Variants in PRKN observed in about 807,000 individuals in gnomAD.
PRKN encodes E3 ubiquitin-protein ligase parkin.
PRKN carries 56 observed loss-of-function variants against 59.5 expected under a neutral mutation model. The ratio of observed to expected loss-of-function variants is 0.94; its 90% confidence interval spans 0.76 to 1.18. PRKN has a LOEUF of 1.18. Ranked by LOEUF, PRKN falls within the 50% of genes most tolerant of loss-of-function variation. PRKN has a pLI of 0.00. For synonymous variants in PRKN, 250 were observed against 222.1 expected, an observed-to-expected ratio of 1.13 and a Z score of -1.12; for missense variants, 657 against 596.4, an observed-to-expected ratio of 1.10 and a Z score of -1.06.
At chr6:162,186,754 G>A (rs1784050302) in intron 4 of PRKN, among the ~76,000 whole-genome samples, 1 of 152,158 alleles carries the variant, frequency 6.6e-6, no homozygotes, top group Non-Finnish European at 1.5e-5. Flanking sequence ...GTTTAAAAGT[G>A]CGTAGCACCT....
intron 2 of PRKN, among the ~76,000 whole-genome samples, chr6:162,404,365 G>A (rs1344409439): frequency 7.5e-6 from 1 of 133,606 alleles, no homozygotes; most frequent in African/African-American, 3.0e-5. Flanking sequence ...GTGAGACTCT[G>A]TCAGAAAAAA....
intron 2 of PRKN, among the ~76,000 whole-genome samples, chr6:162,332,045 T>C (rs1335975905): frequency 3.9e-5 from 6 of 152,166 alleles, no homozygotes; most frequent in African/African-American, 1.4e-4. Context: ...CTACTCTTCC[T>C]TCCCAAGAAC....
chr6:161,374,701 G>A (rs558366541), intron 10 of PRKN, among the ~76,000 whole-genome samples: 5 of 1,838 alleles, frequency 2.7e-3, no homozygotes, highest in South Asian at 0.038. Context: ...TGATGTGTGC[G>A]TTATGTTTAT....
chr6:161,680,726 C>CATATATATATATATACAT (rs1785285967), intron 7 of PRKN, among the ~76,000 whole-genome samples: 2 of 51,038 alleles, frequency 3.9e-5, no homozygotes, highest in Non-Finnish European at 6.2e-5. Context: ...TCCTGAAATA[C>CATATATATATATATACAT]ATATATATAT....
intron 2 of PRKN, among the ~76,000 whole-genome samples, chr6:162,393,472 T>C (rs2128145879): frequency 6.6e-6 from 1 of 152,124 alleles, no homozygotes; most frequent in Non-Finnish European, 1.5e-5. Context: ...GGCTAGGAGA[T>C]TCATAGAGGA....
At chr6:162,549,194 CAACCCAGAAGACGGCCCTCCTTCA>C (rs1779237111) in intron 1 of PRKN, among the ~76,000 whole-genome samples, 1 of 152,232 alleles carries the variant, frequency 6.6e-6, no homozygotes, top group Middle Eastern at 3.4e-3. Flanking sequence ...CGGCCATCTT[CAACCCAGAAGACGGCCCTCCTTCA>C]AACCCAGAAC....
At chr6:161,928,382 A>C (rs1055524645) in intron 6 of PRKN, among the ~76,000 whole-genome samples, 2 of 152,228 alleles carry the variant, frequency 1.3e-5, no homozygotes, top group Non-Finnish European at 2.9e-5. Flanking sequence ...GCTTTGAAAG[A>C]CAAATCATAC....
intron 6 of PRKN, among the ~76,000 whole-genome samples, chr6:161,824,298 A>G (rs1792151597): frequency 1.3e-5 from 2 of 152,234 alleles, no homozygotes; most frequent in South Asian, 4.1e-4. Context: ...GTGCCAAGTC[A>G]TAAGTGCAAG....
intron 4 of PRKN, among the ~76,000 whole-genome samples, chr6:162,113,840 G>A (rs1249845362): frequency 6.6e-6 from 1 of 152,018 alleles, no homozygotes; most frequent in Non-Finnish European, 1.5e-5. Flanking sequence ...GGGTTTTTAT[G>A]GTTTTAGGTC....
chr6:162,165,584 T>A (rs1047559026), intron 4 of PRKN, among the ~76,000 whole-genome samples: 1 of 149,620 alleles, frequency 6.7e-6, no homozygotes, highest in Non-Finnish European at 1.5e-5. Flanking sequence ...TGAGTCTGAA[T>A]GGAATGCCAG....
rs1369732870 is a variant in PRKN, at chr6:161,378,319, C to T, written c.1167+8475G>A. On this transcript the variant is annotated intron_variant, in intron 10 of 11. Coordinates refer to ENST00000366898, the MANE Select transcript of PRKN (RefSeq NM_004562.3). The surrounding 1 kb of genome is among the most constrained non-coding windows in gnomAD (Gnocchi z 7.3). ...CCAGGGCACTCCCGTGTGGAGGAAGCGTGGTGGTGAGGTGAAGCCCTGCCA... is the reference window on the plus strand; with the variant it reads ...CCAGGGCACTCCCGTGTGGAGGAAGTGTGGTGGTGAGGTGAAGCCCTGCCA... Among the ~76,000 whole-genome samples, 1 of 152,156 alleles carries T rather than the reference C, an allele frequency of 6.6e-6. No homozygotes were observed. Among genetic ancestry groups the T allele is most frequent in the Non-Finnish European group, 1.5e-5 (1 of 68,022 alleles).
intron 1 of PRKN, among the ~76,000 whole-genome samples, chr6:162,539,576 A>G (rs1463084505): frequency 6.6e-6 from 1 of 152,162 alleles, no homozygotes; most frequent in Non-Finnish European, 1.5e-5. Context: ...TTTGTTTTAC[A>G]CTCATATTCC....
intron 6 of PRKN, among the ~76,000 whole-genome samples, chr6:161,930,867 T>G (rs896913006): frequency 2.0e-5 from 3 of 152,026 alleles, no homozygotes; most frequent in African/African-American, 7.2e-5. Flanking sequence ...CTGTTGGCCA[T>G]GAGGATGAAA....
chr6:162,301,792 G>A (rs937403268), intron 2 of PRKN, among the ~76,000 whole-genome samples: 2 of 110,728 alleles, frequency 1.8e-5, no homozygotes, highest in African/African-American at 6.4e-5. Context: ...GCGGGGGGGG[G>A]GTGCAGAATT....
chr6:161,592,104 T>C lies in PRKN; in HGVS notation c.872-22688A>G, dbSNP rs538487145. Among the ~76,000 whole-genome samples the C allele has an allele frequency of 6.6e-5, 10 of 152,314 alleles. No individual in the cohort carries two copies. The East Asian group carries it at 1.3e-3, about 21-fold the overall frequency. On this transcript the variant is annotated intron_variant, in intron 7 of 11. Coordinates refer to ENST00000366898, the MANE Select transcript of PRKN (RefSeq NM_004562.3). This position sits in a 1 kb window ranked among gnomAD's most constrained non-coding sequence, Gnocchi z 4.8. ...TAATACAAAGTCAATGCTATGTAAATAGTTGTTATATTGCAATTTTATTTG... is the reference window on the plus strand; with the variant it reads ...TAATACAAAGTCAATGCTATGTAAACAGTTGTTATATTGCAATTTTATTTG...
At chr6:162,258,233 G>C (rs2128098746) in intron 3 of PRKN, among the ~76,000 whole-genome samples, 1 of 152,294 alleles carries the variant, frequency 6.6e-6, no homozygotes, top group East Asian at 1.9e-4. Context: ...GCTCCAAATA[G>C]AATAGCTCCG....
At chr6:161,897,884 G>C (rs556963902) in intron 6 of PRKN, among the ~76,000 whole-genome samples, 1 of 142,722 alleles carries the variant, frequency 7.0e-6, no homozygotes, top group Non-Finnish European at 1.5e-5. Flanking sequence ...GGAGAATGGC[G>C]TGAACCCGGG....
chr6:162,048,665 GAAT>G (rs1290131125), intron 5 of PRKN, among the ~76,000 whole-genome samples: 1 of 147,148 alleles, frequency 6.8e-6, no homozygotes, highest in Non-Finnish European at 1.5e-5. Flanking sequence ...ATAGGAAGAA[GAAT>G]AATTGTCTTG....
At chr6:161,720,547 C>G (rs781142113) in intron 7 of PRKN, among the ~76,000 whole-genome samples, 1 of 152,062 alleles carries the variant, frequency 6.6e-6, no homozygotes, top group South Asian at 2.1e-4. Context: ...AAGAAAGTCA[C>G]CCCCTGCAGA....
Sources: gnomAD v4.1 joint callset for allele counts (sites outside exome capture counted in the v4.1 genomes callset) on GRCh38, gnomAD v4.1.1 for gene constraint, Gnocchi (gnomAD v3.1) non-coding constraint, MANE v1.5 for transcripts, NCBI Gene and HGNC (gene_info 2026-07-23, HGNC 2026-07-21) for gene names.